The following CCDC170 variants were observed in gnomAD, a reference collection of about 807,000 sequenced individuals.
CCDC170 encodes the protein coiled-coil domain containing 170.
CCDC170 carries 69 observed loss-of-function variants against 72.6 expected under a neutral mutation model. The observed-to-expected ratio is 0.95, with a 90% CI of 0.78 to 1.16. The LOEUF (loss-of-function observed/expected upper bound fraction) is 1.16, where lower values mean the gene tolerates loss of function less well. CCDC170 is among the 50% of genes most tolerant of loss of function. The pLI, the probability that CCDC170 is intolerant of heterozygous loss-of-function variation, is 0.00. For missense variants in CCDC170, 852 were observed against 832.5 expected (o/e 1.02, Z -0.29); for synonymous variants, 300 against 303.9 (o/e 0.99, Z 0.13).
At chr6:151,560,193 T>A (rs1196709428) in intron 5 of CCDC170, among the ~76,000 whole-genome samples, 1 of 152,216 alleles carries the variant, frequency 6.6e-6, no homozygotes, top group Non-Finnish European at 1.5e-5. Context: ...AATTTTTAAA[T>A]CCTGCTTTAA....
At chr6:151,574,401 C>T (rs893219586) in intron 6 of CCDC170, among the ~76,000 whole-genome samples, 5 of 152,214 alleles carry the variant, frequency 3.3e-5, no homozygotes, top group South Asian at 2.1e-4. Context: ...TTTACGGCCT[C>T]GGAGATTTTG....
rs1184337493 is a variant in CCDC170 at position 151,611,865 on chromosome 6, C to T, written c.1711-3578C>T. On this transcript the variant is annotated intron_variant, in intron 9 of 10. Coordinates refer to ENST00000239374, the MANE Select transcript of CCDC170 (RefSeq NM_025059.4). Reference sequence around the variant, plus strand: ...AGCCGGGAGTACAGGCCCCCGCCACCACAACCAGCTAATTTTTGCATTTTT... The same window carrying T: ...AGCCGGGAGTACAGGCCCCCGCCACTACAACCAGCTAATTTTTGCATTTTT... Among the ~76,000 whole-genome samples the T allele has an allele frequency of 4.6e-5, 7 of 152,192 alleles. No homozygotes were observed. In the East Asian group the frequency reaches 9.7e-4, roughly 21 times the overall value.
At chr6:151,540,567 A>T (rs1782672816) in intron 3 of CCDC170, among the ~76,000 whole-genome samples, 2 of 151,200 alleles carry the variant, frequency 1.3e-5, no homozygotes, top group Non-Finnish European at 3.0e-5. Flanking sequence ...TTGTATTTTT[A>T]GTAGAGATGG....
intron 6 of CCDC170, among the ~76,000 whole-genome samples, chr6:151,580,166 A>C (rs1776360440): frequency 1.3e-5 from 2 of 152,250 alleles, no homozygotes; most frequent in South Asian, 4.1e-4. Flanking sequence ...TGGTGTGCTG[A>C]CTATGGCTAA....
At chr6:151,542,257 G>T (rs1007934994) in intron 3 of CCDC170, among the ~76,000 whole-genome samples, 1 of 152,014 alleles carries the variant, frequency 6.6e-6, no homozygotes, top group South Asian at 2.1e-4. Context: ...TTTTCACTCT[G>T]CCACCCAGGC....
At chr6:151,581,345 A>G (rs1485175224) in intron 6 of CCDC170, among the ~76,000 whole-genome samples, 38 of 152,364 alleles carry the variant, frequency 2.5e-4, no homozygotes, top group East Asian at 1.9e-3. Context: ...ACAATGTTCA[A>G]GCATCTTCAC....
chr6:151,580,368 T>G (rs1414114402), intron 6 of CCDC170, among the ~76,000 whole-genome samples: 2 of 152,140 alleles, frequency 1.3e-5, no homozygotes. Context: ...ATAATGCAAA[T>G]CAGTCCCTTG....
intron 6 of CCDC170, among the ~76,000 whole-genome samples, chr6:151,584,183 T>C (rs1019594887): frequency 6.6e-6 from 1 of 152,186 alleles, no homozygotes; most frequent in African/African-American, 2.4e-5. Context: ...ATAAAGTAAG[T>C]GCAATAAAGT....
At chr6:151,583,548 C>G (rs1313636951) in intron 6 of CCDC170, among the ~76,000 whole-genome samples, 1 of 152,106 alleles carries the variant, frequency 6.6e-6, no homozygotes, top group Non-Finnish European at 1.5e-5. Flanking sequence ...ACCTCTGCCT[C>G]CCAGGTTCAG....
rs1300698798 is a variant in CCDC170, at chr6:151,619,413, A to G, written c.*1266A>G. 1 of 151,016 alleles carries G rather than the reference A, an allele frequency of 6.6e-6. No homozygotes were observed. The highest frequency in any genetic ancestry group is 6.7e-5 in the Admixed American group (1 of 14,868). The allele number at this position is 151,016 out of a possible 1,614,324, so 9.4% of individuals were successfully genotyped here. On this transcript the variant is annotated 3_prime_UTR_variant, in exon 11 of 11. Transcript: ENST00000239374. ...TATTTTACAAATTTTTCAGGGAATC[A>G]TATTCTTAACTTCACTGAGAAAAAT... is the stretch of plus-strand genomic sequence containing the variant.
intron 5 of CCDC170, among the ~76,000 whole-genome samples, chr6:151,562,948 G>A (rs931120352): frequency 9.9e-5 from 15 of 152,166 alleles, no homozygotes; most frequent in Admixed American, 9.8e-4. Flanking sequence ...CCTGTTGCAG[G>A]GCTCATGACT....
chr6:151,494,285 G>T (rs1781877854), intron 1 of CCDC170, 100 bp downstream of exon 1: 2 of 1,246,528 alleles, frequency 1.6e-6, no homozygotes. Flanking sequence ...TCCTCCCGGA[G>T]GCGTGGGCAG....
At chr6:151,611,902 G>A (rs1776877973) in intron 9 of CCDC170, among the ~76,000 whole-genome samples, 1 of 151,916 alleles carries the variant, frequency 6.6e-6, no homozygotes, top group South Asian at 2.1e-4. Context: ...ATAGAGATGG[G>A]GTTTCACTAT....
At chr6:151,577,785 G>A (rs1475639763) in intron 6 of CCDC170, among the ~76,000 whole-genome samples, 1 of 152,206 alleles carries the variant, frequency 6.6e-6, no homozygotes, top group East Asian at 1.9e-4. Flanking sequence ...GATCAGCAGC[G>A]GCATTAGATT....
chr6:151,615,813 T>C (rs1488386301), intron 10 of CCDC170, 134 bp downstream of exon 10: 38 of 703,370 alleles, frequency 5.4e-5, no homozygotes, highest in Non-Finnish European at 4.8e-6. Context: ...GTCATCGTTT[T>C]ACGAGGGCCG....
Position 151,618,214 on chromosome 6 carries a change from C to T in CCDC170, c.*67C>T, listed in dbSNP as rs903996298. 2.2e-6 allele frequency: 3 copies of T among 1,354,696 alleles called. No homozygotes were observed. Among genetic ancestry groups the T allele is most frequent in the East Asian group, 2.3e-5 (1 of 43,286 alleles). 83.9% of individuals were successfully genotyped at this position (1,354,696 alleles called of 1,614,324 possible). On this transcript the variant is annotated 3_prime_UTR_variant, in exon 11 of 11. Coordinates refer to ENST00000239374, the MANE Select transcript of CCDC170 (RefSeq NM_025059.4). ...ACAATTCCCAATTTCACAAATTCCT[C>T]ATGTCTTTGAGATTTGATCAGTTTG...
Position 151,544,617 on chromosome 6 carries a change from G to A in CCDC170, c.489G>A (p.Lys163=), listed in dbSNP as rs895490193. The part of the protein sequence containing the change: ...ENEENKKQVS[K]NCRKHEEFLT... ...AGGAGAATAAGAAACAAGTTTCAAAGAATTGCAGGAAACATGAGGAATTTC... is the reference window on the plus strand; with the variant it reads ...AGGAGAATAAGAAACAAGTTTCAAAAAATTGCAGGAAACATGAGGAATTTC... Residue 163 remains lysine, a synonymous_variant, in exon 4 of 11, where the codon AAG becomes AAA. Coordinates refer to ENST00000239374, the MANE Select transcript of CCDC170 (RefSeq NM_025059.4). 6.2e-7 allele frequency: 1 copy of A among 1,613,514 alleles called. No individual in the cohort carries two copies. The highest frequency in any genetic ancestry group is 1.3e-5 in the African/African-American group (1 of 75,042).
chr6:151,537,444 C>T (rs956346055), intron 2 of CCDC170, among the ~76,000 whole-genome samples: 2 of 151,832 alleles, frequency 1.3e-5, no homozygotes, highest in African/African-American at 2.4e-5. Context: ...CAATAGGGCA[C>T]ATATATTGTT....
intron 1 of CCDC170, among the ~76,000 whole-genome samples, chr6:151,515,442 C>T (rs1043394699): frequency 2.6e-5 from 4 of 152,184 alleles, no homozygotes; most frequent in African/African-American, 7.2e-5. Context: ...ATCACCACAC[C>T]TGGCTAATTT....
Sources: gnomAD v4.1 joint callset for allele counts (sites outside exome capture counted in the v4.1 genomes callset) on GRCh38, gnomAD v4.1.1 for gene constraint, MANE v1.5 for transcripts, NCBI Gene and HGNC (gene_info 2026-07-23, HGNC 2026-07-21) for gene names.